The following ZMAT2 variants were observed in gnomAD, a reference collection of about 807,000 sequenced individuals.
The protein encoded by ZMAT2 is zinc finger matrin-type 2, also known as zinc finger matrin-type protein 2.
ZMAT2 carries 5 observed loss-of-function variants against 27.5 expected under a neutral mutation model. That is an observed-to-expected ratio of 0.18 (90% CI 0.10 to 0.38). The LOEUF (loss-of-function observed/expected upper bound fraction) is 0.38. ZMAT2 is among the 10% of genes least tolerant of loss of function. The pLI is 1.00. For missense variants in ZMAT2, 124 were observed against 243.9 expected, an observed-to-expected ratio of 0.51 and a Z score of 3.27; for synonymous variants, 76 against 78.6, an observed-to-expected ratio of 0.97 and a Z score of 0.17.
At position 140,701,016 on chromosome 5, in the gene ZMAT2, C is replaced by G; in HGVS notation, c.112+104C>G. On this transcript the variant is annotated intron_variant, in intron 2 of 5. Transcript: ENST00000274712. ...GCTGCCTTCCCACGCGGTGTAAGCT[C>G]TGGCAGAGTGCTGCTTCCCTGGGCC... The G allele has an allele frequency of 5.3e-6, 6 of 1,128,548 alleles. No homozygotes were observed. In the African/African-American group the frequency reaches 9.5e-5, roughly 18 times the overall value. 69.9% of individuals were successfully genotyped at this position (1,128,548 alleles called of 1,614,324 possible). A position where few individuals can be genotyped will look rare whatever the true frequency, so the allele number is the denominator to read the frequency against.
At chr5:140,704,657 A>T (rs1250661093) in intron 5 of ZMAT2, 86 bp downstream of exon 5, 4 of 1,418,126 alleles carry the variant, frequency 2.8e-6, no homozygotes, top group Non-Finnish European at 2.9e-6. Flanking sequence ...TCCCACTCCT[A>T]CTCCCACCCC....
In ZMAT2 at chr5:140,706,412, GTGTT is replaced by G. The variant is rs1157677960; in HGVS notation, c.*659_*662del. 6.5e-6 allele frequency: 1 copy of G among 152,708 alleles called. No individual in the cohort carries two copies. The highest frequency in any genetic ancestry group is 1.5e-5 in the Non-Finnish European group (1 of 68,072). The allele number at this position is 152,708 out of a possible 1,614,324, so 9.5% of individuals were successfully genotyped here. A position where few individuals can be genotyped will look rare whatever the true frequency, so the allele number is the denominator to read the frequency against. ...TGTAACAGGAAATTAAATGGGATGAGTGTTTGGTGTGGTTTGTGTCTGATGAGTT... is the reference window on the plus strand; with the variant it reads ...TGTAACAGGAAATTAAATGGGATGAGTGGTGTGGTTTGTGTCTGATGAGTT... On this transcript the variant is annotated 3_prime_UTR_variant, in exon 6 of 6. Coordinates refer to ENST00000274712, the MANE Select transcript of ZMAT2 (RefSeq NM_144723.3).
intron 1 of ZMAT2, 34 bp downstream of exon 1, chr5:140,700,512 G>A (rs375984617): frequency 1.9e-6 from 3 of 1,612,336 alleles, no homozygotes; most frequent in Non-Finnish European, 2.5e-6. Flanking sequence ...GGTTTTGCGG[G>A]GTGGGGAATG....
At chr5:140,702,206 A>G (rs809635) in intron 3 of ZMAT2, 77 bp downstream of exon 3, 687,854 of 1,563,218 alleles carry the variant, frequency 0.44, 152,089 homozygotes, top group East Asian at 0.47. Flanking sequence ...AGGAAGTGTT[A>G]AGGAAGGTCC....
intron 3 of ZMAT2, among the ~76,000 whole-genome samples, chr5:140,703,311 G>C (rs1196304866): frequency 6.8e-6 from 1 of 147,646 alleles, no homozygotes; most frequent in Non-Finnish European, 1.5e-5. Flanking sequence ...GTATGATCTC[G>C]GCTCACCACA....
In ZMAT2 at chr5:140,705,785, C is replaced by T. The variant is rs761606272; in HGVS notation, c.*29C>T. ...TTTCTGTGCTTGGCCTGACTTTGGC[C>T]TATGCTGGACCTAACTTTGCGTGTG... On this transcript the variant is annotated 3_prime_UTR_variant, in exon 6 of 6. Transcript: ENST00000274712. 1 of 1,607,326 alleles carries T rather than the reference C, an allele frequency of 6.2e-7. No homozygotes were observed. Among genetic ancestry groups the T allele is most frequent in the Non-Finnish European group, 8.5e-7 (1 of 1,177,230 alleles).
chr5:140,705,931 T>G lies in ZMAT2; in HGVS notation c.*175T>G. The stretch of plus-strand genomic sequence containing the variant: ...CTCTACTTTGGGAGAGGGCACAGAT[T>G]GCAGAGGTAATGCTGTGGCATATTG... On this transcript the variant is annotated 3_prime_UTR_variant, in exon 6 of 6. Coordinates refer to ENST00000274712, the MANE Select transcript of ZMAT2 (RefSeq NM_144723.3). 1.3e-6 allele frequency: 1 copy of G among 773,496 alleles called. No individual in the cohort carries two copies. The highest frequency in any genetic ancestry group is 2.0e-6 in the Non-Finnish European group (1 of 511,272). The allele number at this position is 773,496 out of a possible 1,614,324, so 47.9% of individuals were successfully genotyped here. A position where few individuals can be genotyped will look rare whatever the true frequency, so the allele number is the denominator to read the frequency against.
At chr5:140,701,249 T>C (rs567973215) in intron 2 of ZMAT2, among the ~76,000 whole-genome samples, 1 of 152,266 alleles carries the variant, frequency 6.6e-6, no homozygotes, top group East Asian at 1.9e-4. Context: ...ATTACCGCTA[T>C]CAGTGACCCC....
At chr5:140,705,536 C>T (rs1200558054) in intron 5 of ZMAT2, 77 bp from the exon 6 acceptor site, 3 of 1,501,994 alleles carry the variant, frequency 2.0e-6, no homozygotes, top group Non-Finnish European at 2.7e-6. Context: ...TACTGCATGC[C>T]CCAGAATGTT....
chr5:140,702,761 G>A (rs956065151), intron 3 of ZMAT2, among the ~76,000 whole-genome samples: 1 of 152,178 alleles, frequency 6.6e-6, no homozygotes, highest in Non-Finnish European at 1.5e-5. Flanking sequence ...TGTTATGGAT[G>A]CCTGATTGTA....
chr5:140,705,836 T>A lies in ZMAT2; in HGVS notation c.*80T>A. 1 of 1,538,174 alleles carries A rather than the reference T, an allele frequency of 6.5e-7. No individual in the cohort carries two copies. The highest frequency in any genetic ancestry group is 8.8e-7 in the Non-Finnish European group (1 of 1,140,346). ...TGTGTGTGTAGTAGGGGGTCATTTC[T>A]TTTTGGGTAATGGGAAAGTTCTTAA... On this transcript the variant is annotated 3_prime_UTR_variant, in exon 6 of 6. Coordinates refer to ENST00000274712, the MANE Select transcript of ZMAT2 (RefSeq NM_144723.3).
Position 140,704,699 on chromosome 5 carries a change from GC to G in ZMAT2, c.456+129del. ...TGTATCTCCTGAGTTCTGTATATTA[GC>G]GGAAACATTTGTTGCCTTTGTTTAG... is the stretch of plus-strand genomic sequence containing the variant. On this transcript the variant is annotated intron_variant, in intron 5 of 5. Transcript: ENST00000274712. 3.3e-6 allele frequency: 3 copies of G among 914,478 alleles called. No homozygotes were observed. The South Asian group carries it at 7.9e-5, about 24-fold the overall frequency. 56.6% of individuals were successfully genotyped at this position (914,478 alleles called of 1,614,324 possible). A position where few individuals can be genotyped will look rare whatever the true frequency, so the allele number is the denominator to read the frequency against.
Position 140,705,710 on chromosome 5 carries a change from C to G in ZMAT2, c.554C>G (p.Ala185Gly), listed in dbSNP as rs1760045405. 1.3e-5 allele frequency: 21 copies of G among 1,614,088 alleles called. No individual in the cohort carries two copies. The highest frequency in any genetic ancestry group is 1.8e-5 in the Non-Finnish European group (21 of 1,180,006). The change falls in exon 6 of 6, where the codon GCT becomes GGT. Residue 185 changes from alanine to glycine, a missense_variant. By Grantham distance (60) the Ala-to-Gly change is moderately conservative. Around this residue, in one of 5 missense-constraint regions of ZMAT2, gnomAD observed 53 missense variants for 82.3 expected, o/e 0.64. Coordinates refer to ENST00000274712, the MANE Select transcript of ZMAT2 (RefSeq NM_144723.3). ...TTTGAGGAGGACGATGAGATGGCAGCTGTGATGGGCTTCTCTGGCTTTGGT... is the reference window on the plus strand; with the variant it reads ...TTTGAGGAGGACGATGAGATGGCAGGTGTGATGGGCTTCTCTGGCTTTGGT... ...LTFEEDDEMAAVMGFSGFGST... is the reference protein window; with the variant it reads ...LTFEEDDEMAGVMGFSGFGST...
chr5:140,701,020 C>T, intron 2 of ZMAT2, 108 bp downstream of exon 2: 1 of 1,051,496 alleles, frequency 9.5e-7, no homozygotes. Flanking sequence ...TAAGCTCTGG[C>T]AGAGTGCTGC....
chr5:140,705,630 G>A lies in ZMAT2; in HGVS notation c.474G>A (p.Ala158=), dbSNP rs143727913. 261 of 1,613,690 alleles carry A rather than the reference G, an allele frequency of 1.6e-4. 2 individuals carry two copies. Among genetic ancestry groups the A allele is most frequent in the South Asian group, 1.5e-3 (135 of 90,998 alleles). ...CCCTCCAGGAGGAAAAGGCCAAAGC[G>A]TACAAGAAAGAGAAACAGAAGGAGA... ...ELREEEEKAK[A]YKKEKQKEKK... The change falls in exon 6 of 6, where the codon GCG becomes GCA. Residue 158 remains alanine (A), a synonymous_variant. Coordinates refer to ENST00000274712, the MANE Select transcript of ZMAT2 (RefSeq NM_144723.3).
intron 2 of ZMAT2, 112 bp downstream of exon 2, chr5:140,701,024 G>T: frequency 9.7e-7 from 1 of 1,027,198 alleles, no homozygotes; most frequent in African/African-American, 1.6e-5. Flanking sequence ...CTCTGGCAGA[G>T]TGCTGCTTCC....
intron 1 of ZMAT2, 36 bp downstream of exon 1, chr5:140,700,514 T>TA: frequency 6.2e-7 from 1 of 1,610,910 alleles, no homozygotes. Context: ...TTTTGCGGGG[T>TA]GGGGAATGGT....
intron 3 of ZMAT2, 63 bp from the exon 4 acceptor site, chr5:140,703,855 T>G: frequency 1.3e-6 from 2 of 1,512,502 alleles, no homozygotes; most frequent in Non-Finnish European, 1.8e-6. Context: ...TTTGAGTTTC[T>G]TGGTTGAAAA....
At chr5:140,704,656 T>C in intron 5 of ZMAT2, 85 bp downstream of exon 5, 1 of 1,427,110 alleles carries the variant, frequency 7.0e-7, no homozygotes, top group Non-Finnish European at 9.5e-7. Context: ...ATCCCACTCC[T>C]ACTCCCACCC....
Sources: gnomAD v4.1 joint callset for allele counts (sites outside exome capture counted in the v4.1 genomes callset) on GRCh38, gnomAD v4.1.1 for gene constraint, gnomAD v4.1.1 regional missense constraint, MANE v1.5 for transcripts, NCBI Gene and HGNC (gene_info 2026-07-23, HGNC 2026-07-21) for gene names.